KDM4C: variants seen among roughly 807,000 people sequenced by gnomAD.
KDM4C encodes lysine demethylase 4C.
Under a neutral mutation model 129.3 loss-of-function variants are expected in KDM4C, and 81 were observed. The observed-to-expected ratio is 0.63, with a 90% CI of 0.52 to 0.75. KDM4C has a LOEUF of 0.75. Among genes scored for constraint, KDM4C ranks in the 30% least tolerant of loss-of-function variants. KDM4C has a pLI of 0.00. For missense variants in KDM4C, 1,457 were observed against 1,304.0 expected, an observed-to-expected ratio of 1.12 and a Z score of -1.81; for synonymous variants, 573 against 456.1, an observed-to-expected ratio of 1.26 and a Z score of -3.26.
At chr9:7,102,349 T>C (rs149162846) in intron 17 of KDM4C, among the ~76,000 whole-genome samples, 149 of 128,908 alleles carry the variant, frequency 1.2e-3, no homozygotes, top group African/African-American at 4.4e-3. Context: ...GACTTGGAGA[T>C]AAAGAGAAAC....
chr9:6,856,487 A>G (rs1588719872), intron 5 of KDM4C, among the ~76,000 whole-genome samples: 1 of 152,116 alleles, frequency 6.6e-6, no homozygotes, highest in East Asian at 1.9e-4. Flanking sequence ...TGAAGTAATA[A>G]AATTAACCGC....
At position 6,807,951 on chromosome 9, in the gene KDM4C, G is replaced by A. The variant is rs865987980; in HGVS notation, c.320+2177G>A. Among the ~76,000 whole-genome samples the A allele has an allele frequency of 7.6e-3, 857 of 112,718 alleles. 10 individuals carry two copies. The highest frequency in any genetic ancestry group is 0.011 in the Non-Finnish European group (558 of 52,548). 73.9% of individuals were successfully genotyped at this position (112,718 alleles called of 152,430 possible). The stretch of plus-strand genomic sequence containing the variant: ...CTCCGGGAGGGAGGTGGGGGGGTCA[G>A]CCCCCCGCCCGGCCAGCCGCCCCGT... On this transcript the variant is annotated intron_variant, in intron 3 of 21. Transcript: ENST00000381309.
intron 17 of KDM4C, among the ~76,000 whole-genome samples, chr9:7,052,910 T>TTGTTGTACAGTGGGGTGCTTTA (rs1554718570): frequency 0.51 from 64,580 of 125,970 alleles, 18,965 homozygotes; most frequent in Non-Finnish European, 0.62. Flanking sequence ...AGCGAGCGAG[T>TTGTTGTACAGTGGGGTGCTTTA]GCCCAAGGGA....
In KDM4C at chr9:6,983,702, C is replaced by G. The variant is rs142467365; in HGVS notation, c.1116-464C>G. ...TTTTCATACATACCTGACAATTATA[C>G]AAAACTCAATGAAAAGTAGTCAGTA... On this transcript the variant is annotated intron_variant, in intron 9 of 21. Coordinates refer to ENST00000381309, the MANE Select transcript of KDM4C (RefSeq NM_015061.6). 3.3e-5 allele frequency among the ~76,000 whole-genome samples: 5 copies of G among 151,964 alleles called. No homozygotes were observed. The East Asian group carries it at 9.7e-4, about 29-fold the overall frequency.
chr9:7,058,688 A>C (rs1014687698), intron 17 of KDM4C, among the ~76,000 whole-genome samples: 3 of 152,194 alleles, frequency 2.0e-5, no homozygotes, highest in Non-Finnish European at 4.4e-5. Context: ...AAAATGGTTA[A>C]TTATATTAAG....
At chr9:6,885,998 A>T (rs1191630660) in intron 6 of KDM4C, among the ~76,000 whole-genome samples, 1 of 152,228 alleles carries the variant, frequency 6.6e-6, no homozygotes, top group Admixed American at 6.5e-5. Flanking sequence ...ACTGATTTTA[A>T]TTTAAAACTT....
intron 4 of KDM4C, among the ~76,000 whole-genome samples, chr9:6,829,731 G>T (rs973830242): frequency 1.3e-5 from 2 of 152,324 alleles, no homozygotes; most frequent in Admixed American, 1.3e-4. Flanking sequence ...ATTGGTGTCT[G>T]TTGAGGCCTC....
chr9:7,045,630 G>A (rs1464217252), intron 15 of KDM4C, among the ~76,000 whole-genome samples: 1 of 151,956 alleles, frequency 6.6e-6, no homozygotes. Flanking sequence ...TCATTGAGTT[G>A]TTAACTCCTT....
At chr9:7,100,794 T>C (rs1836991961) in intron 17 of KDM4C, among the ~76,000 whole-genome samples, 1 of 152,132 alleles carries the variant, frequency 6.6e-6, no homozygotes, top group Non-Finnish European at 1.5e-5. Context: ...TTTTTTTTAT[T>C]GTGGATACTT....
At chr9:7,078,964 G>T (rs1834225804) in intron 17 of KDM4C, among the ~76,000 whole-genome samples, 1 of 152,126 alleles carries the variant, frequency 6.6e-6, no homozygotes, top group African/African-American at 2.4e-5. Context: ...TTTTTATTGA[G>T]GGCTGATCAC....
intron 8 of KDM4C, among the ~76,000 whole-genome samples, chr9:6,949,370 C>T (rs1827662373): frequency 6.6e-6 from 1 of 151,818 alleles, no homozygotes; most frequent in African/African-American, 2.4e-5. Context: ...CCAGACTGGG[C>T]AGAGGGGCTC....
chr9:6,879,202 A>G (rs144646256), intron 5 of KDM4C, among the ~76,000 whole-genome samples: 2,067 of 152,334 alleles, frequency 0.014, 17 homozygotes, highest in Non-Finnish European at 0.019. Flanking sequence ...TATGTAAAAC[A>G]TGGAATGATT....
At chr9:7,120,870 C>A (rs1169902317) in intron 18 of KDM4C, among the ~76,000 whole-genome samples, 1 of 152,100 alleles carries the variant, frequency 6.6e-6, no homozygotes, top group East Asian at 1.9e-4. Context: ...TTCAGCATAT[C>A]AGTTGAATAG....
At chr9:7,116,016 G>GC (rs1838857782) in intron 18 of KDM4C, among the ~76,000 whole-genome samples, 1 of 152,188 alleles carries the variant, frequency 6.6e-6, no homozygotes, top group African/African-American at 2.4e-5. Flanking sequence ...GGTGTAGTGG[G>GC]TCACTGAAAT....
intron 18 of KDM4C, among the ~76,000 whole-genome samples, chr9:7,107,838 CAG>C (rs1230593570): frequency 6.8e-6 from 1 of 146,924 alleles, no homozygotes; most frequent in Non-Finnish European, 1.5e-5. Context: ...GTCATAAGGA[CAG>C]AAAGTATTTG....
At chr9:7,129,843 C>T (rs904160162) in intron 19 of KDM4C, among the ~76,000 whole-genome samples, 2 of 152,198 alleles carry the variant, frequency 1.3e-5, no homozygotes, top group Admixed American at 6.5e-5. Context: ...TAACCCTACA[C>T]ACTAGGCACT....
intron 4 of KDM4C, chr9:6,834,783 T>G: frequency 7.7e-7 from 1 of 1,299,420 alleles, no homozygotes; most frequent in Non-Finnish European, 1.1e-6. Context: ...GAGGCCCCCC[T>G]GAACCCCAAG....
intron 5 of KDM4C, among the ~76,000 whole-genome samples, chr9:6,877,361 C>T (rs767929375): frequency 6.6e-5 from 10 of 152,072 alleles, no homozygotes; most frequent in Middle Eastern, 3.2e-3. Flanking sequence ...CCACCACACC[C>T]GGATAATTTT....
chr9:7,053,180 C>G lies in KDM4C; in HGVS notation c.2424+3980C>G, dbSNP rs533770803. 5.3e-5 allele frequency among the ~76,000 whole-genome samples: 8 copies of G among 152,184 alleles called. No individual in the cohort carries two copies. In the East Asian group the frequency reaches 1.5e-3, roughly 29 times the overall value. On this transcript the variant is annotated intron_variant, in intron 17 of 21. Transcript: ENST00000381309. The stretch of plus-strand genomic sequence containing the variant: ...GAAGGCTGTTTATTTTTAAAATGCT[C>G]ATTATTAGCAGTCTTTCTAGAATAT...
Sources: gnomAD v4.1 joint callset for allele counts (sites outside exome capture counted in the v4.1 genomes callset) on GRCh38, gnomAD v4.1.1 for gene constraint, MANE v1.5 for transcripts, NCBI Gene and HGNC (gene_info 2026-07-23, HGNC 2026-07-21) for gene names.